EPS15: variants seen among roughly 807,000 people sequenced by gnomAD.
EPS15 encodes the protein epidermal growth factor receptor substrate 15.
In EPS15, 72 loss-of-function variants were observed where a neutral mutation model predicts 113.8. The observed-to-expected ratio is 0.63, with a 90% CI of 0.52 to 0.77. The LOEUF (loss-of-function observed/expected upper bound fraction) is 0.77. Ranked by LOEUF, EPS15 falls within the 30% of genes least tolerant of loss-of-function variation. The pLI is 0.00. For synonymous variants in EPS15, 344 were observed against 363.4 expected (o/e 0.95, Z 0.61); for missense variants, 1,048 against 1,045.8 (o/e 1.00, Z -0.03).
Position 51,456,678 on chromosome 1 carries a change from A to G in EPS15, c.561+4413T>C, listed in dbSNP as rs546336797. On this transcript the variant is annotated intron_variant, in intron 8 of 24. Coordinates refer to ENST00000371733, the MANE Select transcript of EPS15 (RefSeq NM_001981.3). ...TTACTTCAATTTTCAAGGAAGAATG[A>G]TATCAGCTCTCAAAATTCAGTTTTG... is the stretch of plus-strand genomic sequence containing the variant. 6.6e-5 allele frequency among the ~76,000 whole-genome samples: 10 copies of G among 152,346 alleles called. No individual in the cohort carries two copies. The South Asian group carries it at 1.9e-3, about 28-fold the overall frequency.
chr1:51,417,937 A>C (rs1377637093), intron 13 of EPS15, among the ~76,000 whole-genome samples: 1 of 152,198 alleles, frequency 6.6e-6, no homozygotes, highest in Non-Finnish European at 1.5e-5. Flanking sequence ...GAGCAACAGT[A>C]AAGATTCCCA....
intron 7 of EPS15, 56 bp from the exon 8 acceptor site, chr1:51,461,206 C>A (rs962982090): frequency 1.2e-5 from 16 of 1,291,932 alleles, no homozygotes; most frequent in African/African-American, 2.9e-5. Context: ...ATGTTCTACT[C>A]GAGGGCAAGA....
chr1:51,491,852 T>A (rs563385579), intron 1 of EPS15, among the ~76,000 whole-genome samples: 1 of 140,100 alleles, frequency 7.1e-6, no homozygotes, highest in East Asian at 2.0e-4. Context: ...AATTCCCAAC[T>A]CATTTAATTT....
intron 12 of EPS15, among the ~76,000 whole-genome samples, chr1:51,432,443 C>T (rs1200585483): frequency 2.6e-5 from 4 of 152,004 alleles, no homozygotes; most frequent in African/African-American, 7.2e-5. Context: ...CCTGGGATTA[C>T]AGATGTGAGC....
chr1:51,402,624 T>A (rs1648689114), intron 17 of EPS15, 99 bp from the exon 18 acceptor site: 1 of 624,272 alleles, frequency 1.6e-6, no homozygotes, highest in South Asian at 2.3e-5. Context: ...ATACACATGC[T>A]TTGAAAAATC....
At chr1:51,432,178 T>C (rs1651785663) in intron 12 of EPS15, among the ~76,000 whole-genome samples, 1 of 152,160 alleles carries the variant, frequency 6.6e-6, no homozygotes, top group Non-Finnish European at 1.5e-5. Context: ...ATCTCAATAA[T>C]TATTGCTGTA....
chr1:51,393,909 GAATA>G (rs972496499), intron 21 of EPS15, among the ~76,000 whole-genome samples: 2 of 152,086 alleles, frequency 1.3e-5, no homozygotes, highest in East Asian at 3.8e-4. Context: ...GTTATTAAAA[GAATA>G]AATAAAAAAT....
chr1:51,356,528 AAGAC>A lies in EPS15; in HGVS notation c.*168_*171del. On this transcript the variant is annotated 3_prime_UTR_variant, in exon 25 of 25. Transcript: ENST00000371733. The stretch of plus-strand genomic sequence containing the variant: ...ACGGCTTTTATAAGAAAAAAAAAAA[AAGAC>A]GAATCTGTAATGAAGAAAAAAAAAA... 1.9e-6 allele frequency: 1 copy of A among 514,576 alleles called. No individual in the cohort carries two copies. The highest frequency in any genetic ancestry group is 3.3e-6 in the Non-Finnish European group (1 of 304,272). The allele number at this position is 514,576 out of a possible 1,614,324, so 31.9% of individuals were successfully genotyped here. A position where few individuals can be genotyped will look rare whatever the true frequency, so the allele number is the denominator to read the frequency against.
intron 5 of EPS15, among the ~76,000 whole-genome samples, chr1:51,466,437 C>T (rs1176983427): frequency 6.6e-6 from 1 of 151,440 alleles, no homozygotes; most frequent in Non-Finnish European, 1.5e-5. Context: ...GCCTGGCCAA[C>T]ATGGTGAAAA....
chr1:51,380,756 GA>G (rs1186324161), intron 21 of EPS15, among the ~76,000 whole-genome samples: 14 of 151,646 alleles, frequency 9.2e-5, no homozygotes, highest in South Asian at 6.3e-4. Context: ...CAAACTGGTA[GA>G]AAAAAAATGC....
chr1:51,380,890 C>T (rs1292256460), intron 21 of EPS15, among the ~76,000 whole-genome samples: 1 of 152,164 alleles, frequency 6.6e-6, no homozygotes, highest in East Asian at 1.9e-4. Flanking sequence ...GCAGAGATAT[C>T]TTAATATCAG....
intron 1 of EPS15, among the ~76,000 whole-genome samples, chr1:51,504,673 AATC>A (rs1644467733): frequency 6.6e-6 from 1 of 152,220 alleles, no homozygotes. Context: ...TGACATCATT[AATC>A]ATCAGAGAAA....
intron 13 of EPS15, among the ~76,000 whole-genome samples, chr1:51,413,915 ATT>A (rs1277714104): frequency 6.6e-6 from 1 of 152,020 alleles, no homozygotes; most frequent in Non-Finnish European, 1.5e-5. Flanking sequence ...CGCCTGGCTA[ATT>A]TTTAAATTTT....
chr1:51,460,127 TAA>T (rs1654330569), intron 8 of EPS15, among the ~76,000 whole-genome samples: 2 of 151,988 alleles, frequency 1.3e-5, no homozygotes, highest in South Asian at 4.1e-4. Flanking sequence ...TTGGAGTGAG[TAA>T]AGAGAACAAC....
chr1:51,485,870 C>T (rs1177398665), intron 1 of EPS15, among the ~76,000 whole-genome samples: 4 of 151,944 alleles, frequency 2.6e-5, no homozygotes, highest in African/African-American at 9.7e-5. Flanking sequence ...CTATCTTGGC[C>T]CACTGCAACC....
At chr1:51,363,101 C>G (rs1646425924) in intron 23 of EPS15, among the ~76,000 whole-genome samples, 1 of 151,926 alleles carries the variant, frequency 6.6e-6, no homozygotes, top group South Asian at 2.1e-4. Context: ...AGGTAGAGAC[C>G]AGCGTGGCCA....
At chr1:51,387,331 G>GA in intron 21 of EPS15, among the ~76,000 whole-genome samples, 1 of 152,082 alleles carries the variant, frequency 6.6e-6, no homozygotes, top group East Asian at 1.9e-4. Context: ...ACTAAACATG[G>GA]AAAGGAACAA....
At chr1:51,384,963 C>G (rs892864231) in intron 21 of EPS15, among the ~76,000 whole-genome samples, 1 of 152,118 alleles carries the variant, frequency 6.6e-6, no homozygotes, top group Non-Finnish European at 1.5e-5. Context: ...GGATTAAATA[C>G]CTAAATGTAA....
chr1:51,487,819 G>A (rs903449155), intron 1 of EPS15, among the ~76,000 whole-genome samples: 1 of 152,140 alleles, frequency 6.6e-6, no homozygotes, highest in African/African-American at 2.4e-5. Flanking sequence ...AAGTGAGAAT[G>A]GAAAAAGCCA....
Sources: gnomAD v4.1 joint callset for allele counts (sites outside exome capture counted in the v4.1 genomes callset) on GRCh38, gnomAD v4.1.1 for gene constraint, MANE v1.5 for transcripts, NCBI Gene and HGNC (gene_info 2026-07-23, HGNC 2026-07-21) for gene names.